CACNA1C: variants seen among roughly 807,000 people sequenced by gnomAD.
The protein encoded by CACNA1C is calcium voltage-gated channel subunit alpha1 C.
A neutral mutation model predicts 229.0 loss-of-function variants in CACNA1C; 30 were observed. The observed-to-expected ratio is 0.13, with a 90% CI of 0.10 to 0.18. The LOEUF (loss-of-function observed/expected upper bound fraction) is 0.18, where lower values mean the gene tolerates loss of function less well. Among genes scored for constraint, CACNA1C ranks in the 10% least tolerant of loss-of-function variants. CACNA1C has a pLI of 1.00. For synonymous variants in CACNA1C, 1,114 were observed against 1,132.5 expected (o/e 0.98, Z 0.33); for missense variants, 1,658 against 2,845.0 (o/e 0.58, Z 9.49).
At chr12:2,438,663 C>G (rs1024977266) in intron 3 of CACNA1C, among the ~76,000 whole-genome samples, 30 of 151,960 alleles carry the variant, frequency 2.0e-4, no homozygotes, top group African/African-American at 7.3e-4. Flanking sequence ...TGTGACAGAC[C>G]TTGAACCATG....
chr12:2,389,230 A>G (rs1217047414), intron 3 of CACNA1C, among the ~76,000 whole-genome samples: 1 of 151,992 alleles, frequency 6.6e-6, no homozygotes, highest in African/African-American at 2.4e-5. Context: ...TGAGATAAGG[A>G]CAGAGGCGTG....
chr12:2,454,631 C>T (rs1301329950), intron 4 of CACNA1C, among the ~76,000 whole-genome samples: 1 of 152,166 alleles, frequency 6.6e-6, no homozygotes, highest in Non-Finnish European at 1.5e-5. Flanking sequence ...TGGAAAGGGT[C>T]AAGAAATCTG....
intron 3 of CACNA1C, among the ~76,000 whole-genome samples, chr12:2,233,925 G>A (rs765043699): frequency 6.6e-5 from 10 of 152,150 alleles, no homozygotes; most frequent in East Asian, 1.9e-4. Context: ...CAAGGGGGTC[G>A]AAAGTGAGGT....
rs2095020249 is a variant in CACNA1C, at chr12:2,651,843, G to C, written c.4074+75G>C. The C allele has an allele frequency of 8.1e-7, 1 of 1,228,600 alleles. No homozygotes were observed. Among genetic ancestry groups the C allele is most frequent in the African/African-American group, 1.5e-5 (1 of 66,900 alleles). The allele number at this position is 1,228,600 out of a possible 1,614,324, so 76.1% of individuals were successfully genotyped here. On this transcript the variant is annotated intron_variant, in intron 32 of 46. Coordinates refer to ENST00000399655, the MANE Select transcript of CACNA1C (RefSeq NM_000719.7). The surrounding 1 kb of genome is among the most constrained non-coding windows in gnomAD (Gnocchi z 5.4). ...TGGCCCAGAACACAGCTGACACAAG[G>C]AGGAGCCCTCCACTCTGGGGCCCTG...
chr12:2,606,953 C>G, intron 25 of CACNA1C, 31 bp from the exon 26 acceptor site: 1 of 1,609,710 alleles, frequency 6.2e-7, no homozygotes, highest in Non-Finnish European at 8.5e-7. Context: ...ATGGGAGATC[C>G]CAGAGTAAAC....
At chr12:2,400,937 G>A (rs922917253) in intron 3 of CACNA1C, among the ~76,000 whole-genome samples, 1 of 152,072 alleles carries the variant, frequency 6.6e-6, no homozygotes, top group Non-Finnish European at 1.5e-5. Context: ...CCCATGCCAG[G>A]CACCTCCATC....
chr12:2,405,806 G>A (rs2098731708), intron 3 of CACNA1C, among the ~76,000 whole-genome samples: 1 of 152,148 alleles, frequency 6.6e-6, no homozygotes, highest in Admixed American at 6.6e-5. Context: ...AAACTCTAGA[G>A]GAGACAGAAA....
intron 3 of CACNA1C, among the ~76,000 whole-genome samples, chr12:2,338,544 T>C (rs1404139490): frequency 7.2e-6 from 1 of 139,474 alleles, no homozygotes; most frequent in African/African-American, 2.7e-5. Flanking sequence ...CTCCAGTCAG[T>C]GACACTGACC....
intron 3 of CACNA1C, among the ~76,000 whole-genome samples, chr12:2,259,529 G>A (rs1262334842): frequency 6.6e-6 from 1 of 152,206 alleles, no homozygotes; most frequent in Non-Finnish European, 1.5e-5. Context: ...GTTGCAAGGG[G>A]GAGCTAAGAG....
chr12:2,412,544 C>T (rs1171569212), intron 3 of CACNA1C, among the ~76,000 whole-genome samples: 6 of 152,186 alleles, frequency 3.9e-5, no homozygotes, highest in South Asian at 4.1e-4. Context: ...CTTTAGGGCT[C>T]GGGAGAAAGC....
intron 18 of CACNA1C, among the ~76,000 whole-genome samples, chr12:2,586,958 C>G (rs554623719): frequency 6.6e-6 from 1 of 152,160 alleles, no homozygotes; most frequent in Non-Finnish European, 1.5e-5. Flanking sequence ...GGAATTTCAA[C>G]GACGTACTAG....
chr12:2,565,074 C>T (rs570440870), intron 11 of CACNA1C, among the ~76,000 whole-genome samples: 2 of 152,294 alleles, frequency 1.3e-5, no homozygotes, highest in East Asian at 1.9e-4. Flanking sequence ...AAAATGAAAA[C>T]GCCTCCACCA....
intron 1 of CACNA1C, among the ~76,000 whole-genome samples, chr12:2,056,791 C>A (rs2055120295): frequency 6.6e-6 from 1 of 152,094 alleles, no homozygotes; most frequent in South Asian, 2.1e-4. Flanking sequence ...ATTGGTCAGG[C>A]ACTTTTTAGT....
chr12:2,255,442 C>A (rs1172528401), intron 3 of CACNA1C, among the ~76,000 whole-genome samples: 1 of 152,154 alleles, frequency 6.6e-6, no homozygotes, highest in Non-Finnish European at 1.5e-5. Context: ...TCCATGCCTG[C>A]AAGAAGGAAG....
chr12:2,345,349 G>T (rs1422520913), intron 3 of CACNA1C, among the ~76,000 whole-genome samples: 1 of 152,004 alleles, frequency 6.6e-6, no homozygotes, highest in East Asian at 1.9e-4. Context: ...TTGCGAAGAG[G>T]TCCAGGAGCC....
At chr12:2,593,885 G>T (rs757712395) in intron 19 of CACNA1C, among the ~76,000 whole-genome samples, 1 of 152,094 alleles carries the variant, frequency 6.6e-6, no homozygotes, top group Non-Finnish European at 1.5e-5. Flanking sequence ...TCTTCCTAAA[G>T]TACATTCTTT....
At chr12:2,340,172 A>G (rs140149753) in intron 3 of CACNA1C, among the ~76,000 whole-genome samples, 472 of 152,352 alleles carry the variant, frequency 3.1e-3, no homozygotes, top group African/African-American at 0.011. Flanking sequence ...ATTCTTCTAT[A>G]TACAACTTTA....
chr12:2,100,262 A>G (rs926292878), intron 1 of CACNA1C, among the ~76,000 whole-genome samples: 9 of 152,028 alleles, frequency 5.9e-5, no homozygotes, highest in South Asian at 2.1e-4. Context: ...CCTGGCCAAC[A>G]TGGCAAAATC....
chr12:2,378,690 G>A (rs941032308), intron 3 of CACNA1C, among the ~76,000 whole-genome samples: 5 of 152,334 alleles, frequency 3.3e-5, no homozygotes, highest in East Asian at 3.9e-4. Flanking sequence ...TGGGGGAAGA[G>A]TGTTCCCTCA....
Sources: gnomAD v4.1 joint callset for allele counts (sites outside exome capture counted in the v4.1 genomes callset) on GRCh38, gnomAD v4.1.1 for gene constraint, Gnocchi (gnomAD v3.1) non-coding constraint, MANE v1.5 for transcripts, NCBI Gene and HGNC (gene_info 2026-07-23, HGNC 2026-07-21) for gene names.